FAM184B: variants seen among roughly 807,000 people sequenced by gnomAD.
FAM184B encodes protein FAM184B.
FAM184B carries 111 observed loss-of-function variants against 135.9 expected under a neutral mutation model. The ratio of observed to expected loss-of-function variants is 0.82; its 90% CI spans 0.70 to 0.96. FAM184B has a LOEUF of 0.96. Among genes scored for constraint, FAM184B ranks in the 40% least tolerant of loss-of-function variants. The pLI is 0.00. For missense variants in FAM184B, 1,375 were observed against 1,323.9 expected (o/e 1.04, Z -0.60); for synonymous variants, 552 against 524.8 (o/e 1.05, Z -0.71).
Position 17,659,996 on chromosome 4 carries a change from C to T in FAM184B, c.1786G>A (p.Glu596Lys), listed in dbSNP as rs1191987206. 2.6e-6 allele frequency: 4 copies of T among 1,551,432 alleles called. No individual in the cohort carries two copies. The highest frequency in any genetic ancestry group is 3.5e-6 in the Non-Finnish European group (4 of 1,146,984). Residue 596 changes from glutamate (E) to lysine (K), a missense_variant, in exon 9 of 18, where the codon GAG becomes AAG. Transcript: ENST00000265018. ...EKTSKIQRLE[E>K]DWQSQKAKLQ... ...TTGGCCTTCTGGCTTTGCCAGTCCT[C>T]CTCTAGACGCTGGATTTTGGATGTT... is the stretch of plus-strand genomic sequence containing the variant.
chr4:17,642,289 G>A (rs754995152), intron 12 of FAM184B, 61 bp from the exon 13 acceptor site: 1 of 1,405,718 alleles, frequency 7.1e-7, no homozygotes, highest in African/African-American at 1.5e-5. Context: ...AGGCAGAAAG[G>A]GCCAGAGATG....
chr4:17,629,517 AT>A lies in FAM184B; in HGVS notation c.*3014del, dbSNP rs1714862845. ...GGTGAATCCATTTTTACCTACCCCA[AT>A]TACAAAACAGTTTGCTTTCATGTGG... On this transcript the variant is annotated 3_prime_UTR_variant, in exon 18 of 18. Transcript: ENST00000265018. The A allele has an allele frequency of 6.6e-6, 1 of 152,214 alleles. No individual in the cohort carries two copies. Among genetic ancestry groups the A allele is most frequent in the African/African-American group, 2.4e-5 (1 of 41,454 alleles). The allele number at this position is 152,214 out of a possible 1,614,324, so 9.4% of individuals were successfully genotyped here.
intron 10 of FAM184B, among the ~76,000 whole-genome samples, chr4:17,656,251 C>T (rs1715776658): frequency 6.6e-6 from 1 of 152,176 alleles, no homozygotes; most frequent in Admixed American, 6.5e-5. Context: ...GCAGTGAATA[C>T]ACCTGGGAAT....
At chr4:17,637,227 C>G (rs1376876555) in intron 14 of FAM184B, among the ~76,000 whole-genome samples, 5 of 152,184 alleles carry the variant, frequency 3.3e-5, no homozygotes, top group Non-Finnish European at 5.9e-5. Context: ...CGGGGTTTCA[C>G]TATGTTGGCC....
At chr4:17,657,000 TTACA>T (rs536897842) in intron 10 of FAM184B, among the ~76,000 whole-genome samples, 388 of 152,280 alleles carry the variant, frequency 2.5e-3, no homozygotes, top group Middle Eastern at 6.8e-3. Flanking sequence ...TCCATTCCTT[TTACA>T]TAGTATACAA....
At chr4:17,648,893 TC>T (rs1178739192) in intron 11 of FAM184B, among the ~76,000 whole-genome samples, 1 of 152,134 alleles carries the variant, frequency 6.6e-6, no homozygotes, top group African/African-American at 2.4e-5. Flanking sequence ...ACTAGACACT[TC>T]CCGGCATGAT....
intron 10 of FAM184B, among the ~76,000 whole-genome samples, chr4:17,654,001 G>A (rs1002428202): frequency 1.3e-4 from 16 of 126,834 alleles, no homozygotes; most frequent in Admixed American, 6.9e-4. Flanking sequence ...GAACTCAGGC[G>A]GCCTCTAGAA....
intron 14 of FAM184B, among the ~76,000 whole-genome samples, chr4:17,637,059 C>A (rs887418332): frequency 6.6e-6 from 1 of 152,090 alleles, no homozygotes; most frequent in African/African-American, 2.4e-5. Context: ...CGGAGTCTCC[C>A]TCTGTCGCCC....
intron 6 of FAM184B, among the ~76,000 whole-genome samples, chr4:17,691,311 T>G (rs1716727917): frequency 6.6e-6 from 1 of 152,152 alleles, no homozygotes; most frequent in Non-Finnish European, 1.5e-5. Flanking sequence ...TTATGAGGAT[T>G]AAAATAGTAA....
intron 1 of FAM184B, among the ~76,000 whole-genome samples, chr4:17,768,223 A>C (rs1278038802): frequency 6.6e-6 from 1 of 152,260 alleles, no homozygotes; most frequent in Non-Finnish European, 1.5e-5. Context: ...CTTGGAACTC[A>C]TATAAAAATG....
At chr4:17,697,868 C>A (rs1316763858) in intron 5 of FAM184B, among the ~76,000 whole-genome samples, 2 of 152,172 alleles carry the variant, frequency 1.3e-5, no homozygotes, top group Non-Finnish European at 1.5e-5. Flanking sequence ...AAAAAAAATT[C>A]TCCCTCAGAT....
At chr4:17,688,278 ATTTT>A in intron 7 of FAM184B, 142 bp downstream of exon 7, 1 of 403,146 alleles carries the variant, frequency 2.5e-6, no homozygotes. Flanking sequence ...TTTTGTGGTG[ATTTT>A]TTTTTTTTCC....
intron 1 of FAM184B, among the ~76,000 whole-genome samples, chr4:17,741,028 T>C (rs1718021342): frequency 6.6e-6 from 1 of 152,212 alleles, no homozygotes; most frequent in African/African-American, 2.4e-5. Context: ...TTTCTGCTTA[T>C]GCGCACATCT....
intron 7 of FAM184B, among the ~76,000 whole-genome samples, chr4:17,674,265 T>C (rs2108949250): frequency 6.6e-6 from 1 of 152,186 alleles, no homozygotes; most frequent in Middle Eastern, 3.4e-3. Flanking sequence ...ATAAAGCAAA[T>C]ATTGTGATAA....
At chr4:17,696,631 G>A (rs1245389544) in intron 5 of FAM184B, among the ~76,000 whole-genome samples, 1 of 152,164 alleles carries the variant, frequency 6.6e-6, no homozygotes, top group Non-Finnish European at 1.5e-5. Flanking sequence ...TGGCAACACA[G>A]CGAGACGCTA....
At position 17,633,691 on chromosome 4, in the gene FAM184B, T is replaced by C. The variant is rs1715034077; in HGVS notation, c.3087A>G (p.Thr1029=). The part of the protein sequence containing the change: ...PNQSTDAKTA[T]RTPDGETAQA... ...CCTGTCCCCAACATCCCCCAAACCT[T>C]GTGGCAGTTTTTGCATCTGTAGACT... The change falls in exon 17 of 18, where the codon ACA becomes ACG. Residue 1029 remains threonine (T), a splice_region_variant and synonymous_variant. Coordinates refer to ENST00000265018, the MANE Select transcript of FAM184B (RefSeq NM_015688.2). 1 of 1,529,512 alleles carries C rather than the reference T, an allele frequency of 6.5e-7. No homozygotes were observed. The highest frequency in any genetic ancestry group is 1.4e-5 in the African/African-American group (1 of 71,980). 94.7% of individuals were successfully genotyped at this position (1,529,512 alleles called of 1,614,324 possible). A position where few individuals can be genotyped will look rare whatever the true frequency, so the allele number is the denominator to read the frequency against.
At chr4:17,711,424 G>A (rs1717268622) in intron 1 of FAM184B, among the ~76,000 whole-genome samples, 1 of 152,104 alleles carries the variant, frequency 6.6e-6, no homozygotes, top group African/African-American at 2.4e-5. Context: ...GTTGTGGTGA[G>A]CAGAGATTGC....
At chr4:17,678,375 C>T (rs555298150) in intron 7 of FAM184B, among the ~76,000 whole-genome samples, 4 of 152,228 alleles carry the variant, frequency 2.6e-5, no homozygotes, top group South Asian at 2.1e-4. Context: ...TATACACCAA[C>T]ATCGACCAAG....
chr4:17,637,971 C>T (rs544638252), intron 14 of FAM184B, among the ~76,000 whole-genome samples: 2 of 89,670 alleles, frequency 2.2e-5, no homozygotes, highest in African/African-American at 8.0e-5. Context: ...TCACCCAGCT[C>T]CTCTCCTCCC....
Sources: allele counts gnomAD v4.1 joint callset (sites outside exome capture counted in the v4.1 genomes callset), GRCh38; gene constraint gnomAD v4.1.1; transcripts MANE v1.5; gene names NCBI Gene and HGNC (gene_info 2026-07-23, HGNC 2026-07-21).